The following USP47 variants were observed in gnomAD, a reference collection of about 807,000 sequenced individuals.
USP47 encodes the protein ubiquitin carboxyl-terminal hydrolase 47.
In USP47, 35 loss-of-function variants were observed where a neutral mutation model predicts 165.1. The ratio of observed to expected loss-of-function variants is 0.21; its 90% confidence interval spans 0.16 to 0.28. The LOEUF (loss-of-function observed/expected upper bound fraction) is 0.28, where lower values mean the gene tolerates loss of function less well. Among genes scored for constraint, USP47 ranks in the 10% least tolerant of loss-of-function variants. The probability of loss-of-function intolerance (pLI) is 1.00; values close to 1 mark genes in which losing one functional copy is unlikely to be tolerated. For missense variants in USP47, 1,277 were observed against 1,607.4 expected, an observed-to-expected ratio of 0.79 and a Z score of 3.52; for synonymous variants, 531 against 544.5, an observed-to-expected ratio of 0.98 and a Z score of 0.35.
intron 1 of USP47, among the ~76,000 whole-genome samples, chr11:11,862,003 C>A (rs950116827): frequency 6.7e-6 from 1 of 148,896 alleles, no homozygotes; most frequent in African/African-American, 2.5e-5. Context: ...CTGCTTTAGG[C>A]TTTTAGAACA....
At chr11:11,905,329 G>C in intron 7 of USP47, 70 bp from the exon 8 acceptor site, 1 of 1,171,146 alleles carries the variant, frequency 8.5e-7, no homozygotes, top group Non-Finnish European at 1.2e-6. Flanking sequence ...ATTCTAAAAA[G>C]TGTAGAATGT....
At chr11:11,857,725 A>G (rs1849132952) in intron 1 of USP47, among the ~76,000 whole-genome samples, 1 of 152,134 alleles carries the variant, frequency 6.6e-6, no homozygotes, top group Non-Finnish European at 1.5e-5. Context: ...GCAGACCCCT[A>G]CCTTTTCTGC....
chr11:11,924,636 A>C (rs1854101963), intron 11 of USP47, among the ~76,000 whole-genome samples: 1 of 152,166 alleles, frequency 6.6e-6, no homozygotes, highest in Non-Finnish European at 1.5e-5. Flanking sequence ...TCTATAATAG[A>C]TATAGGACTT....
At chr11:11,955,211 G>A (rs758725600) in intron 27 of USP47, 47 bp downstream of exon 27, 107 of 1,590,946 alleles carry the variant, frequency 6.7e-5, no homozygotes, top group African/African-American at 1.1e-4. Flanking sequence ...CATTTTTGGC[G>A]TGCATACATA....
At chr11:11,852,158 C>T (rs376385994) in intron 1 of USP47, among the ~76,000 whole-genome samples, 1 of 152,054 alleles carries the variant, frequency 6.6e-6, no homozygotes, top group Non-Finnish European at 1.5e-5. Context: ...AATTTCTGCC[C>T]ACTAATTTTA....
intron 2 of USP47, among the ~76,000 whole-genome samples, chr11:11,882,322 C>T (rs1048411624): frequency 5.3e-5 from 8 of 152,064 alleles, no homozygotes; most frequent in Admixed American, 2.6e-4. Flanking sequence ...AATGTGTATC[C>T]CTATGGTATT....
intron 20 of USP47, among the ~76,000 whole-genome samples, chr11:11,945,991 A>T (rs941603900): frequency 6.6e-6 from 1 of 151,986 alleles, no homozygotes. Flanking sequence ...GAAATACGTA[A>T]GAGAAAGGAC....
At chr11:11,856,647 A>C (rs1026471835) in intron 1 of USP47, 1 of 152,208 alleles carries the variant, frequency 6.6e-6, no homozygotes, top group African/African-American at 2.4e-5. Context: ...ATCTGTTTTG[A>C]AGTTCTCACA....
intron 7 of USP47, among the ~76,000 whole-genome samples, chr11:11,903,801 T>C (rs910993746): frequency 2.0e-5 from 3 of 152,174 alleles, no homozygotes; most frequent in Admixed American, 6.5e-5. Context: ...CCGATTCTTA[T>C]GTAATGGAAA....
chr11:11,873,670 T>G (rs970605379), intron 1 of USP47: 40 of 408,544 alleles, frequency 9.8e-5, no homozygotes, highest in African/African-American at 8.2e-4. Context: ...TTCTAGATGA[T>G]GTACTAATAC....
intron 6 of USP47, 71 bp downstream of exon 6, chr11:11,902,931 CACATT>C: frequency 1.4e-6 from 2 of 1,397,970 alleles, no homozygotes; most frequent in Non-Finnish European, 9.5e-7. Flanking sequence ...ATATTACAAA[CACATT>C]ACACATAATT....
At chr11:11,899,116 C>T (rs575562289) in intron 5 of USP47, among the ~76,000 whole-genome samples, 6 of 152,220 alleles carry the variant, frequency 3.9e-5, no homozygotes, top group Admixed American at 1.3e-4. Flanking sequence ...CAGTGTGTTG[C>T]GGGGGGCTTC....
chr11:11,926,290 A>T (rs1854236463), intron 11 of USP47, among the ~76,000 whole-genome samples: 1 of 152,172 alleles, frequency 6.6e-6, no homozygotes, highest in Admixed American at 6.5e-5. Flanking sequence ...AAAATTCTCT[A>T]GCAAAGCAAC....
At chr11:11,945,136 GA>G (rs776498359) in intron 20 of USP47, among the ~76,000 whole-genome samples, 9 of 152,160 alleles carry the variant, frequency 5.9e-5, no homozygotes, top group Admixed American at 2.6e-4. Flanking sequence ...GGTCTTGTTT[GA>G]AAAGAAAATG....
At chr11:11,920,637 G>T in intron 10 of USP47, 143 bp downstream of exon 10, 1 of 672,136 alleles carries the variant, frequency 1.5e-6, no homozygotes, top group Non-Finnish European at 2.2e-6. Context: ...TTTCTAATGT[G>T]GAATTCAATA....
chr11:11,923,633 G>A (rs1854025527), intron 11 of USP47, among the ~76,000 whole-genome samples: 1 of 152,096 alleles, frequency 6.6e-6, no homozygotes, highest in Non-Finnish European at 1.5e-5. Context: ...CTCCTAATGT[G>A]AAGACTGATC....
chr11:11,898,504 T>C (rs1427128808), intron 5 of USP47, among the ~76,000 whole-genome samples: 2 of 152,200 alleles, frequency 1.3e-5, no homozygotes, highest in African/African-American at 4.8e-5. Flanking sequence ...CAGCTTGTTA[T>C]CTGAACTTAC....
At chr11:11,955,262 G>T in intron 27 of USP47, 98 bp downstream of exon 27, 1 of 1,450,188 alleles carries the variant, frequency 6.9e-7, no homozygotes, top group Non-Finnish European at 9.2e-7. Context: ...TTATGATATG[G>T]AGCGGCACTA....
At chr11:11,842,288 G>GC (rs34125376) in intron 1 of USP47, 64 bp downstream of exon 1, 15,528 of 1,521,450 alleles carry the variant, frequency 0.01, 346 homozygotes, top group East Asian at 0.083. Context: ...ACAGGCCCGG[G>GC]CCGGGGTTCG....
Sources: allele counts gnomAD v4.1 joint callset (sites outside exome capture counted in the v4.1 genomes callset), GRCh38; gene constraint gnomAD v4.1.1; transcripts MANE v1.5; gene names NCBI Gene and HGNC (gene_info 2026-07-23, HGNC 2026-07-21).